Variants in INPP5F observed in about 807,000 individuals in gnomAD.
INPP5F encodes phosphatidylinositide 4-phosphatase SAC2.
Under a neutral mutation model 137.2 loss-of-function variants are expected in INPP5F, and 97 were observed. The observed-to-expected ratio is 0.71, with a 90% confidence interval of 0.60 to 0.84. The LOEUF is 0.84. INPP5F is among the 40% of genes least tolerant of loss of function. INPP5F has a pLI of 0.00. For synonymous variants in INPP5F, 504 were observed against 476.9 expected (o/e 1.06, Z -0.74); for missense variants, 1,271 against 1,371.9 (o/e 0.93, Z 1.16).
chr10:119,791,480 A>G (rs1850141972), intron 3 of INPP5F, 37 bp from the exon 4 acceptor site: 1 of 1,522,030 alleles, frequency 6.6e-7, no homozygotes, highest in African/African-American at 1.4e-5. Context: ...ACAAACAGGT[A>G]TTAGTAATAA....
At chr10:119,824,182 A>G (rs1349350253) in intron 19 of INPP5F, among the ~76,000 whole-genome samples, 1 of 152,156 alleles carries the variant, frequency 6.6e-6, no homozygotes, top group Non-Finnish European at 1.5e-5. Flanking sequence ...ACTTATAACC[A>G]TAGACCATTT....
chr10:119,786,043 G>A (rs577153653), intron 3 of INPP5F, among the ~76,000 whole-genome samples: 5 of 152,200 alleles, frequency 3.3e-5, no homozygotes, highest in African/African-American at 4.8e-5. Context: ...ATCATTTTCC[G>A]TATTTAGTTT....
At chr10:119,757,625 TAC>T (rs997597198) in intron 2 of INPP5F, among the ~76,000 whole-genome samples, 9 of 151,754 alleles carry the variant, frequency 5.9e-5, no homozygotes, top group African/African-American at 9.7e-5. Context: ...ACCCCATCTC[TAC>T]TAAAAATACA....
chr10:119,799,216 ATAAT>A (rs1470118920), intron 9 of INPP5F: 2 of 299,666 alleles, frequency 6.7e-6, no homozygotes, highest in African/African-American at 4.5e-5. Context: ...AGATGAATAT[ATAAT>A]AGTAATTCTG....
At position 119,726,222 on chromosome 10, in the gene INPP5F, C is replaced by T. The variant is rs766807021; in HGVS notation, c.-41C>T. 3 of 1,348,026 alleles carry T rather than the reference C, an allele frequency of 2.2e-6. No individual in the cohort carries two copies. The highest frequency in any genetic ancestry group is 2.9e-6 in the Non-Finnish European group (3 of 1,026,238). 83.5% of individuals were successfully genotyped at this position (1,348,026 alleles called of 1,614,324 possible). A position where few individuals can be genotyped will look rare whatever the true frequency, so the allele number is the denominator to read the frequency against. On this transcript the variant is annotated 5_prime_UTR_variant, in exon 1 of 20. Transcript: ENST00000650623. ...TCGACCGACTAGGACGCCCCGTGCG[C>T]CGCCCGCGGGCCGCCGCCTCCCTGG...
chr10:119,733,462 C>A (rs1049074873), intron 1 of INPP5F, among the ~76,000 whole-genome samples: 1 of 152,186 alleles, frequency 6.6e-6, no homozygotes, highest in Non-Finnish European at 1.5e-5. Flanking sequence ...TCATTGGGAA[C>A]TATTTCCTCC....
At chr10:119,792,567 GTTTTT>G (rs397847812) in intron 6 of INPP5F, among the ~76,000 whole-genome samples, 2 of 124,638 alleles carry the variant, frequency 1.6e-5, no homozygotes, top group Non-Finnish European at 3.4e-5. Context: ...AATGGTACCA[GTTTTT>G]TTTTTTTTTT....
chr10:119,755,091 G>C (rs917543176), intron 2 of INPP5F, among the ~76,000 whole-genome samples: 1 of 152,234 alleles, frequency 6.6e-6, no homozygotes, highest in Non-Finnish European at 1.5e-5. Flanking sequence ...CAGTCTTAAA[G>C]TGGCGTGGGT....
chr10:119,782,856 C>G (rs1849754390), intron 3 of INPP5F, among the ~76,000 whole-genome samples: 1 of 152,126 alleles, frequency 6.6e-6, no homozygotes, highest in African/African-American at 2.4e-5. Context: ...CCCCACAACT[C>G]AACACATGTT....
Position 119,809,198 on chromosome 10 carries a change from G to A in INPP5F, c.1570-902G>A, listed in dbSNP as rs542205350. ...GCCGAGATTGTGCCATTGCACTCCA[G>A]CCTGGGCGACAGAGCGAGACTCTGT... On this transcript the variant is annotated intron_variant, in intron 13 of 19. Coordinates refer to ENST00000650623, the MANE Select transcript of INPP5F (RefSeq NM_014937.4). Among the ~76,000 whole-genome samples the A allele has an allele frequency of 2.9e-4, 40 of 140,086 alleles. No individual in the cohort carries two copies. The South Asian group carries it at 9.4e-3, about 33-fold the overall frequency. The allele number at this position is 140,086 out of a possible 152,430, so 91.9% of individuals were successfully genotyped here. A position where few individuals can be genotyped will look rare whatever the true frequency, so the allele number is the denominator to read the frequency against.
chr10:119,792,582 T>A (rs186058705), intron 6 of INPP5F, among the ~76,000 whole-genome samples: 182 of 151,802 alleles, frequency 1.2e-3, no homozygotes, highest in African/African-American at 4.3e-3. Context: ...TTTTTTTTTT[T>A]TTTTTTTAAC....
intron 1 of INPP5F, among the ~76,000 whole-genome samples, chr10:119,737,754 T>C (rs1435568111): frequency 6.6e-6 from 1 of 152,266 alleles, no homozygotes; most frequent in Non-Finnish European, 1.5e-5. Flanking sequence ...GAGCTAACAA[T>C]TGGAACTTTT....
chr10:119,805,431 A>G lies in INPP5F; in HGVS notation c.1289A>G (p.Tyr430Cys), dbSNP rs768010483. 5 of 1,612,854 alleles carry G rather than the reference A, an allele frequency of 3.1e-6. No homozygotes were observed. The highest frequency in any genetic ancestry group is 2.2e-5 in the South Asian group (2 of 91,042). The change falls in exon 11 of 20, where the codon TAT (tyrosine) becomes TGT (cysteine). Residue 430 changes from tyrosine (Y) to cysteine (C), a missense_variant. This residue lies in a region of INPP5F where 593 missense variants were observed against 712.4 expected (regional missense o/e 0.83). Coordinates refer to ENST00000650623, the MANE Select transcript of INPP5F (RefSeq NM_014937.4). ...GTTCAGACACTAACAGATGCCATTTATGACATTATTCTTGATATGAAGTGG... is the reference window on the plus strand; with the variant it reads ...GTTCAGACACTAACAGATGCCATTTGTGACATTATTCTTGATATGAAGTGG... ...ENVQTLTDAI[Y>C]DIILDMKWCW...
At position 119,756,285 on chromosome 10, in the gene INPP5F, A is replaced by G. The variant is rs554671302; in HGVS notation, c.178+5129A>G. ...TTAGATTGTGGCTACACAATTTTGA[A>G]CAAATTTTAAACATGGACTATTTTT... On this transcript the variant is annotated intron_variant, in intron 2 of 19. Transcript: ENST00000650623. 3.3e-5 allele frequency among the ~76,000 whole-genome samples: 5 copies of G among 152,342 alleles called. No homozygotes were observed. In the East Asian group the frequency reaches 9.6e-4, roughly 29 times the overall value.
At chr10:119,826,239 T>C (rs1851753182) in intron 19 of INPP5F, among the ~76,000 whole-genome samples, 4 of 152,254 alleles carry the variant, frequency 2.6e-5, no homozygotes, top group Admixed American at 2.6e-4. Context: ...GTGAAGCCTT[T>C]TAGAATGCGA....
intron 1 of INPP5F, among the ~76,000 whole-genome samples, chr10:119,741,172 C>A (rs1264018478): frequency 6.6e-6 from 1 of 152,198 alleles, no homozygotes; most frequent in African/African-American, 2.4e-5. Context: ...TGAATTCTGT[C>A]CAGCTTTCCA....
intron 13 of INPP5F, among the ~76,000 whole-genome samples, chr10:119,809,509 G>A (rs1468009566): frequency 6.6e-6 from 1 of 152,146 alleles, no homozygotes; most frequent in East Asian, 1.9e-4. Flanking sequence ...TTAAGTTTAA[G>A]TCACCACTTC....
chr10:119,785,302 T>TTTTTTTTTTTTTTTTTTTTTAA, intron 3 of INPP5F, among the ~76,000 whole-genome samples: 1 of 147,732 alleles, frequency 6.8e-6, no homozygotes. Flanking sequence ...TTTTTTTTTT[T>TTTTTTTTTTTTTTTTTTTTTAA]GGAGACGGAG....
intron 1 of INPP5F, among the ~76,000 whole-genome samples, chr10:119,747,607 A>G (rs1848575152): frequency 6.6e-6 from 1 of 152,236 alleles, no homozygotes; most frequent in African/African-American, 2.4e-5. Flanking sequence ...CTTTGTAGCA[A>G]ACAATTTGGT....
Sources: allele counts gnomAD v4.1 joint callset (sites outside exome capture counted in the v4.1 genomes callset), GRCh38; gene constraint gnomAD v4.1.1; regional missense constraint gnomAD v4.1.1; transcripts MANE v1.5; gene names NCBI Gene and HGNC (gene_info 2026-07-23, HGNC 2026-07-21).